Variants in RUBCN observed in about 807,000 individuals in gnomAD.
RUBCN encodes the protein rubicon autophagy regulator.
A neutral mutation model predicts 113.2 loss-of-function variants in RUBCN; 74 were observed. The observed-to-expected ratio is 0.65, with a 90% CI of 0.54 to 0.79. The LOEUF (loss-of-function observed/expected upper bound fraction) is 0.79, where lower values mean the gene tolerates loss of function less well. Among genes scored for constraint, RUBCN ranks in the 30% least tolerant of loss-of-function variants. The pLI is 0.00. For missense variants in RUBCN, 1,109 were observed against 1,251.7 expected (o/e 0.89, Z 1.72); for synonymous variants, 480 against 490.0 (o/e 0.98, Z 0.27).
chr3:197,706,840 T>C (rs1375552509), intron 2 of RUBCN, among the ~76,000 whole-genome samples: 1 of 152,174 alleles, frequency 6.6e-6, no homozygotes, highest in African/African-American at 2.4e-5. Context: ...CTCGCCTCTA[T>C]ACTGCGAGGG....
In RUBCN at chr3:197,674,768, C is replaced by G. The variant is rs1013883563; in HGVS notation, c.*250G>C. 3 of 517,200 alleles carry G rather than the reference C, an allele frequency of 5.8e-6. No homozygotes were observed. Among genetic ancestry groups the G allele is most frequent in the South Asian group, 2.6e-5 (1 of 37,842 alleles). 32.0% of individuals were successfully genotyped at this position (517,200 alleles called of 1,614,324 possible). On this transcript the variant is annotated 3_prime_UTR_variant, in exon 20 of 20. Coordinates refer to ENST00000296343, the MANE Select transcript of RUBCN (RefSeq NM_014687.4). ...GCACTAGAAGCTTCACTGAAGGACCCGCATGTCAGTTCTGATGGAAACACC... is the reference window on the plus strand; with the variant it reads ...GCACTAGAAGCTTCACTGAAGGACCGGCATGTCAGTTCTGATGGAAACACC...
chr3:197,743,854 A>C (rs1185970984), intron 1 of RUBCN, among the ~76,000 whole-genome samples: 1 of 151,856 alleles, frequency 6.6e-6, no homozygotes, highest in Non-Finnish European at 1.5e-5. Context: ...CGTGGTGGCG[A>C]GCGCCTGTAA....
intron 1 of RUBCN, among the ~76,000 whole-genome samples, chr3:197,732,758 A>G (rs1466998785): frequency 2.6e-5 from 4 of 152,294 alleles, no homozygotes; most frequent in African/African-American, 9.6e-5. Context: ...ACCTAAGCAC[A>G]CTACCGGGGA....
chr3:197,670,013 C>A lies in RUBCN; in HGVS notation c.*5005G>T, dbSNP rs1365216579. On this transcript the variant is annotated 3_prime_UTR_variant, in exon 20 of 20. Transcript: ENST00000296343. Reference sequence around the variant, plus strand: ...AAGCAATTCTCCTGTCTCAACCTCGCGAGTAGCTGGGATTACAGGCGCCCG... The same window carrying A: ...AAGCAATTCTCCTGTCTCAACCTCGAGAGTAGCTGGGATTACAGGCGCCCG... 6.6e-6 allele frequency among the ~76,000 whole-genome samples: 1 copy of A among 152,176 alleles called. No individual in the cohort carries two copies. The highest frequency in any genetic ancestry group is 1.5e-5 in the Non-Finnish European group (1 of 68,040).
chr3:197,694,622 G>C lies in RUBCN; in HGVS notation c.1474-37C>G, dbSNP rs780784759. 9.0e-6 allele frequency: 14 copies of C among 1,552,790 alleles called. No individual in the cohort carries two copies. In the South Asian group the frequency reaches 1.6e-4, roughly 17 times the overall value. ...AGAGCACCAAACAGGCAAAGGGTTAGAAGTATTGAATGACATACTCATTAT... is the reference window on the plus strand; with the variant it reads ...AGAGCACCAAACAGGCAAAGGGTTACAAGTATTGAATGACATACTCATTAT... On this transcript the variant is annotated intron_variant, in intron 9 of 19. Coordinates refer to ENST00000296343, the MANE Select transcript of RUBCN (RefSeq NM_014687.4).
At chr3:197,732,698 A>G (rs1727659220) in intron 1 of RUBCN, among the ~76,000 whole-genome samples, 3 of 152,152 alleles carry the variant, frequency 2.0e-5, no homozygotes, top group South Asian at 2.1e-4. Flanking sequence ...TAAGCCCCAG[A>G]GCATCTGGCT....
At position 197,669,940 on chromosome 3, in the gene RUBCN, G is replaced by A. The variant is rs534640594; in HGVS notation, c.*5078C>T. Among the ~76,000 whole-genome samples the A allele has an allele frequency of 2.0e-5, 3 of 152,274 alleles. No individual in the cohort carries two copies. The East Asian group carries it at 5.8e-4, about 29-fold the overall frequency. Reference sequence around the variant, plus strand: ...GTCCCACTCTGTTGCCCAGGGTGGAGTGCAGTGGCGTGATCTCGGCTCACT... The same window carrying A: ...GTCCCACTCTGTTGCCCAGGGTGGAATGCAGTGGCGTGATCTCGGCTCACT... On this transcript the variant is annotated 3_prime_UTR_variant, in exon 20 of 20. Coordinates refer to ENST00000296343, the MANE Select transcript of RUBCN (RefSeq NM_014687.4).
At chr3:197,738,863 G>A (rs1213319419), upstream of RUBCN, among the ~76,000 whole-genome samples, 1 of 151,974 alleles carries the variant, frequency 6.6e-6, no homozygotes. Flanking sequence ...AAAAGTATTG[G>A]GATTACAGGC....
chr3:197,673,503 C>T lies in RUBCN; in HGVS notation c.*1515G>A, dbSNP rs984980104. 1 of 152,256 alleles carries T rather than the reference C, an allele frequency of 6.6e-6. No individual in the cohort carries two copies. The highest frequency in any genetic ancestry group is 1.5e-5 in the Non-Finnish European group (1 of 68,096). The allele number at this position is 152,256 out of a possible 1,614,324, so 9.4% of individuals were successfully genotyped here. On this transcript the variant is annotated 3_prime_UTR_variant, in exon 20 of 20. Coordinates refer to ENST00000296343, the MANE Select transcript of RUBCN (RefSeq NM_014687.4). ...CCATGGGCAGAATTCAATCCCAGAA[C>T]AAAAATGATGCAGGCTTTAGTTCAC...
intron 2 of RUBCN, among the ~76,000 whole-genome samples, chr3:197,710,524 C>T (rs1435190861): frequency 6.6e-6 from 1 of 151,772 alleles, no homozygotes; most frequent in African/African-American, 2.4e-5. Context: ...CGCTTGAACC[C>T]CAGAGTCAGA....
intron 4 of RUBCN, among the ~76,000 whole-genome samples, chr3:197,704,253 G>A (rs541535631): frequency 6.6e-6 from 1 of 152,242 alleles, no homozygotes; most frequent in Admixed American, 6.5e-5. Flanking sequence ...TGACCAACAT[G>A]GAGAAACCCC....
At chr3:197,698,295 C>T (rs1212634462) in intron 7 of RUBCN, among the ~76,000 whole-genome samples, 2 of 152,220 alleles carry the variant, frequency 1.3e-5, no homozygotes, top group Non-Finnish European at 2.9e-5. Flanking sequence ...GTTTTCCAAG[C>T]TAACATACCC....
rs563465986 is a variant in RUBCN, at chr3:197,705,073, G to C, written c.303+19C>G. The C allele has an allele frequency of 2.5e-6, 4 of 1,598,786 alleles. No homozygotes were observed. Among genetic ancestry groups the C allele is most frequent in the Non-Finnish European group, 3.4e-6 (4 of 1,167,546 alleles). ...GACCCACAGCTCTGCCAGCACAGCC[G>C]CTCTGCTCTCACTCTTACCTTCTCC... On this transcript the variant is annotated intron_variant, in intron 3 of 19. Transcript: ENST00000296343.
rs1182345865 is a variant in RUBCN, at chr3:197,701,796, G to A, written c.639C>T (p.Ser213=). Residue 213 remains serine, a synonymous_variant, in exon 6 of 20, where the codon TCC becomes TCT. Coordinates refer to ENST00000296343, the MANE Select transcript of RUBCN (RefSeq NM_014687.4). Reference sequence around the variant, plus strand: ...CATAGCTGTTTGGAGGGGTGTATGTGGAACTGGGCAGGGCTGTCAGGCTCT... The same window carrying A: ...CATAGCTGTTTGGAGGGGTGTATGTAGAACTGGGCAGGGCTGTCAGGCTCT... ...KSQSLTALPS[S]TYTPPNSYAQ... is the part of the protein sequence containing the mutation. The A allele has an allele frequency of 1.9e-6, 3 of 1,614,024 alleles. No individual in the cohort carries two copies. Among genetic ancestry groups the A allele is most frequent in the Non-Finnish European group, 2.5e-6 (3 of 1,179,978 alleles).
At chr3:197,735,583 G>A (rs1372969925) in intron 1 of RUBCN, among the ~76,000 whole-genome samples, 1 of 152,034 alleles carries the variant, frequency 6.6e-6, no homozygotes, top group Non-Finnish European at 1.5e-5. Flanking sequence ...AAAGTAGTTC[G>A]GGGTTTCTTT....
rs551191867 is a variant in RUBCN, at chr3:197,715,804, G to C, written c.219+2173C>G. Among the ~76,000 whole-genome samples the C allele has an allele frequency of 3.9e-5, 6 of 152,060 alleles. No homozygotes were observed. The South Asian group carries it at 1.2e-3, about 31-fold the overall frequency. ...CTTTTCCCTAGTCACTTTTATGCCT[G>C]CTAGTTTTCACAGATACTTTGAGGA... On this transcript the variant is annotated intron_variant, in intron 2 of 19. Coordinates refer to ENST00000296343, the MANE Select transcript of RUBCN (RefSeq NM_014687.4).
chr3:197,685,292 C>T (rs148520097), intron 11 of RUBCN, among the ~76,000 whole-genome samples: 65 of 152,318 alleles, frequency 4.3e-4, no homozygotes, highest in African/African-American at 1.5e-3. Context: ...AATACTCTCT[C>T]TCATGTCCTT....
chr3:197,721,647 G>A (rs1485120901), intron 1 of RUBCN, among the ~76,000 whole-genome samples: 1 of 151,400 alleles, frequency 6.6e-6, no homozygotes, highest in Non-Finnish European at 1.5e-5. Flanking sequence ...TCTGGGTTTG[G>A]TTTGTCCTGG....
intron 2 of RUBCN, among the ~76,000 whole-genome samples, chr3:197,707,857 G>A (rs926737542): frequency 1.3e-5 from 2 of 151,938 alleles, no homozygotes; most frequent in African/African-American, 4.8e-5. Context: ...CCAGCTACTC[G>A]GGAGGCTGAG....
Sources: gnomAD v4.1 joint callset for allele counts (sites outside exome capture counted in the v4.1 genomes callset) on GRCh38, gnomAD v4.1.1 for gene constraint, MANE v1.5 for transcripts, NCBI Gene and HGNC (gene_info 2026-07-23, HGNC 2026-07-21) for gene names.